XPC: variants seen among roughly 807,000 people sequenced by gnomAD.
XPC encodes DNA repair protein complementing XP-C cells.
In XPC, 76 loss-of-function variants were observed where a neutral mutation model predicts 95.8. That is an observed-to-expected ratio of 0.79 (90% CI 0.66 to 0.96). The LOEUF (loss-of-function observed/expected upper bound fraction) is 0.96. XPC is among the 40% of genes least tolerant of loss of function. The probability of loss-of-function intolerance (pLI) is 0.00; values close to 1 mark genes in which losing one functional copy is unlikely to be tolerated. For synonymous variants in XPC, 442 were observed against 442.1 expected (o/e 1.00, Z 0.00); for missense variants, 1,146 against 1,179.8 (o/e 0.97, Z 0.42).
chr3:14,163,464 T>C (rs780426107), intron 7 of XPC, among the ~76,000 whole-genome samples: 8 of 152,200 alleles, frequency 5.3e-5, no homozygotes, highest in Non-Finnish European at 1.0e-4. Flanking sequence ...CAGATGAATC[T>C]TGAAAACATT....
At chr3:14,149,089 CTTTT>C in intron 11 of XPC, 141 bp from the exon 12 acceptor site, 4 of 994,228 alleles carry the variant, frequency 4.0e-6, no homozygotes, top group Non-Finnish European at 5.6e-6. Context: ...CTTTTTCTCC[CTTTT>C]TTTTTTTTGA....
rs572878617 is a variant in XPC at position 14,145,736 on chromosome 3, T to G, written c.*205A>C. Reference sequence around the variant, plus strand: ...TTGAAGGCTTCACCCTGGGTGAATCTGACAAGGGCTGGAGCCAGACGGGAC... The same window carrying G: ...TTGAAGGCTTCACCCTGGGTGAATCGGACAAGGGCTGGAGCCAGACGGGAC... On this transcript the variant is annotated 3_prime_UTR_variant, in exon 16 of 16. Coordinates refer to ENST00000285021, the MANE Select transcript of XPC (RefSeq NM_004628.5). 4.3e-4 allele frequency: 308 copies of G among 721,264 alleles called. No homozygotes were observed. Among genetic ancestry groups the G allele is most frequent in the Non-Finnish European group, 6.1e-4 (248 of 404,678 alleles). The allele number at this position is 721,264 out of a possible 1,614,324, so 44.7% of individuals were successfully genotyped here.
chr3:14,168,220 A>G lies in XPC; in HGVS notation c.536+37T>C, dbSNP rs200961784. On this transcript the variant is annotated intron_variant, in intron 4 of 15. Coordinates refer to ENST00000285021, the MANE Select transcript of XPC (RefSeq NM_004628.5). ...CTAAGCAGCAGCTGTTGCCTACTGCATGTGACAGGAGCCTAGAAGCAAGGG... is the reference window on the plus strand; with the variant it reads ...CTAAGCAGCAGCTGTTGCCTACTGCGTGTGACAGGAGCCTAGAAGCAAGGG... 2.9e-5 allele frequency: 46 copies of G among 1,581,110 alleles called. 1 individual carries two copies. The Admixed American group carries it at 8.3e-4, about 29-fold the overall frequency.
At chr3:14,153,651 G>A (rs886313906) in intron 10 of XPC, among the ~76,000 whole-genome samples, 10 of 152,126 alleles carry the variant, frequency 6.6e-5, no homozygotes, top group Admixed American at 3.3e-4. Context: ...CATGAGGTCC[G>A]GTTAGGTTCG....
chr3:14,165,060 C>A, intron 6 of XPC, 127 bp from the exon 7 acceptor site: 2 of 1,370,606 alleles, frequency 1.5e-6, no homozygotes, highest in South Asian at 3.0e-5. Context: ...CTTTCCCCAG[C>A]CCGTCTAGCT....
At chr3:14,156,102 GTATTT>G (rs772604248) in intron 10 of XPC, among the ~76,000 whole-genome samples, 1 of 151,974 alleles carries the variant, frequency 6.6e-6, no homozygotes, top group African/African-American at 2.4e-5. Context: ...TTCCTACTTT[GTATTT>G]TATTTTCCCT....
At chr3:14,159,607 G>T in intron 8 of XPC, 134 bp downstream of exon 8, 2 of 868,734 alleles carry the variant, frequency 2.3e-6, no homozygotes, top group Non-Finnish European at 1.8e-6. Flanking sequence ...CCTAACACAG[G>T]GTATGTGCAA....
chr3:14,171,423 G>C (rs1445714602), intron 2 of XPC, among the ~76,000 whole-genome samples: 3 of 152,212 alleles, frequency 2.0e-5, no homozygotes, highest in African/African-American at 7.2e-5. Context: ...AGGGGAGAGG[G>C]AAAGGGGGAC....
At chr3:14,149,022 CA>C in intron 11 of XPC, 74 bp from the exon 12 acceptor site, 1 of 1,589,342 alleles carries the variant, frequency 6.3e-7, no homozygotes, top group Non-Finnish European at 8.6e-7. Context: ...GCACCATGCT[CA>C]GTGCCGCATG....
chr3:14,161,895 T>C (rs1696181617), intron 7 of XPC, among the ~76,000 whole-genome samples: 1 of 151,620 alleles, frequency 6.6e-6, no homozygotes, highest in African/African-American at 2.4e-5. Flanking sequence ...ATCCTATACA[T>C]AGAAAATTTC....
chr3:14,153,683 C>T (rs1695788568), intron 10 of XPC, among the ~76,000 whole-genome samples: 2 of 152,210 alleles, frequency 1.3e-5, no homozygotes, highest in Admixed American at 1.3e-4. Context: ...ATATTAAATG[C>T]ATTCTCAACT....
chr3:14,161,131 C>G (rs1438309053), intron 7 of XPC, among the ~76,000 whole-genome samples: 1 of 152,128 alleles, frequency 6.6e-6, no homozygotes, highest in African/African-American at 2.4e-5. Context: ...TATGACCAAA[C>G]CTGACTCAAG....
At chr3:14,174,883 G>T (rs1696752527) in intron 1 of XPC, among the ~76,000 whole-genome samples, 1 of 151,966 alleles carries the variant, frequency 6.6e-6, no homozygotes, top group African/African-American at 2.4e-5. Flanking sequence ...TAAGCATCTA[G>T]AGACTCTTTT....
In XPC at chr3:14,158,212, G is replaced by A. The variant is rs2125025011; in HGVS notation, c.1671C>T (p.Thr557=). The change falls in exon 9 of 16, where the codon ACC becomes ACT. Residue 557 remains threonine (T), a synonymous_variant. Transcript: ENST00000285021. This position sits in a 1 kb window ranked among gnomAD's most constrained non-coding sequence, Gnocchi z 5.2. ...CVHGVVGQPL[T]CYKYATKPMT... The stretch of plus-strand genomic sequence containing the variant: ...TGGGCTTGGTGGCGTACTTGTAACA[G>A]GTCAGAGGCTGGCCCACCACACCGT... 1 of 1,613,920 alleles carries A rather than the reference G, an allele frequency of 6.2e-7. No homozygotes were observed. The highest frequency in any genetic ancestry group is 1.1e-5 in the South Asian group (1 of 91,078).
chr3:14,170,467 T>C lies in XPC; in HGVS notation c.383A>G (p.Glu128Gly), dbSNP rs755499377. The C allele has an allele frequency of 2.5e-6, 4 of 1,613,768 alleles. No individual in the cohort carries two copies. The Admixed American group carries it at 5.0e-5, about 20-fold the overall frequency. Reference protein sequence around the residue: ...MNEDSNEEEEESENDWEEVEE... With the variant: ...MNEDSNEEEEGSENDWEEVEE... ...AACCTCTTCCCAATCATTTTCACTT[T>C]CTTCCTCTTCTTCATTGCTGTCTTC... Residue 128 changes from glutamate to glycine, a missense_variant, in exon 3 of 16, where the codon GAA becomes GGA. Physicochemically the swap from Glu to Gly is moderately conservative, Grantham distance 98 (BLOSUM62 -2). Transcript: ENST00000285021.
chr3:14,149,004 C>A, intron 11 of XPC, 56 bp from the exon 12 acceptor site: 1 of 1,603,672 alleles, frequency 6.2e-7, no homozygotes, highest in Non-Finnish European at 8.5e-7. Context: ...TCCTCAGCAC[C>A]GGGCCAGGCA....
intron 2 of XPC, among the ~76,000 whole-genome samples, chr3:14,170,889 G>C (rs905438649): frequency 6.6e-6 from 1 of 152,196 alleles, no homozygotes. Flanking sequence ...ATATCTGTGT[G>C]ATATATGTGC....
chr3:14,154,561 C>T (rs868809983), intron 10 of XPC, among the ~76,000 whole-genome samples: 1 of 152,068 alleles, frequency 6.6e-6, no homozygotes, highest in Non-Finnish European at 1.5e-5. Flanking sequence ...CTATAAATAC[C>T]GCATGATTCC....
Position 14,165,536 on chromosome 3 carries a change from C to T in XPC, c.671G>A (p.Cys224Tyr). The T allele has an allele frequency of 1.2e-6, 2 of 1,612,572 alleles. No individual in the cohort carries two copies. The highest frequency in any genetic ancestry group is 8.5e-7 in the Non-Finnish European group (1 of 1,179,398). Residue 224 changes from cysteine to tyrosine, a missense_variant, in exon 6 of 16, where the codon TGC (cysteine) becomes TAC (tyrosine). Coordinates refer to ENST00000285021, the MANE Select transcript of XPC (RefSeq NM_004628.5). The part of the protein sequence containing the change: ...LANGFYRNNI[C>Y]SQPDLHAIGL... ...AATAGCATGCAGATCTGGCTGGCTGCAGATGTTATTTCGATAGAAGCCATT... is the reference window on the plus strand; with the variant it reads ...AATAGCATGCAGATCTGGCTGGCTGTAGATGTTATTTCGATAGAAGCCATT...
Sources: allele counts gnomAD v4.1 joint callset (sites outside exome capture counted in the v4.1 genomes callset), GRCh38; gene constraint gnomAD v4.1.1; non-coding constraint Gnocchi (gnomAD v3.1); transcripts MANE v1.5; gene names NCBI Gene and HGNC (gene_info 2026-07-23, HGNC 2026-07-21).